The following PLD1 variants were observed in gnomAD, a reference collection of about 807,000 sequenced individuals.
The protein encoded by PLD1 is phospholipase D1, also known as choline phosphatase 1.
A neutral mutation model predicts 137.1 loss-of-function variants in PLD1; 112 were observed. That is an observed-to-expected ratio of 0.82 (90% CI 0.70 to 0.96). PLD1 has a LOEUF of 0.96. PLD1 is among the 40% of genes least tolerant of loss of function. The pLI is 0.00. For missense variants in PLD1, 1,321 were observed against 1,342.0 expected (o/e 0.98, Z 0.24); for synonymous variants, 431 against 454.7 (o/e 0.95, Z 0.66).
At chr3:171,807,072 C>T (rs1165534592) in intron 1 of PLD1, among the ~76,000 whole-genome samples, 2 of 152,076 alleles carry the variant, frequency 1.3e-5, no homozygotes, top group African/African-American at 4.8e-5. Flanking sequence ...TTTGGGAAGC[C>T]GAAGTAGGAG....
intron 1 of PLD1, among the ~76,000 whole-genome samples, chr3:171,764,314 C>T (rs1482576012): frequency 6.6e-6 from 1 of 152,152 alleles, no homozygotes; most frequent in African/African-American, 2.4e-5. Context: ...CACTAATATT[C>T]ATTTAACACT....
intron 23 of PLD1, among the ~76,000 whole-genome samples, chr3:171,630,153 A>C (rs1242292771): frequency 2.7e-5 from 4 of 150,018 alleles, no homozygotes; most frequent in African/African-American, 4.9e-5. Context: ...CAATGAACTC[A>C]AACAAATTTA....
At chr3:171,698,058 A>G (rs763475925) in intron 12 of PLD1, among the ~76,000 whole-genome samples, 4 of 152,262 alleles carry the variant, frequency 2.6e-5, no homozygotes, top group Admixed American at 6.5e-5. Flanking sequence ...ATGTACTAAA[A>G]TAGAATCTTG....
At chr3:171,732,691 A>C (rs150841830) in intron 6 of PLD1, among the ~76,000 whole-genome samples, 135 of 152,342 alleles carry the variant, frequency 8.9e-4, no homozygotes, top group African/African-American at 3.0e-3. Context: ...TACAGCCCCC[A>C]TAACCATACA....
At chr3:171,664,854 C>T (rs981420002) in intron 19 of PLD1, among the ~76,000 whole-genome samples, 2 of 152,120 alleles carry the variant, frequency 1.3e-5, no homozygotes, top group African/African-American at 4.8e-5. Flanking sequence ...CACTGTACAA[C>T]TGAGACCTCT....
chr3:171,612,489 T>A lies in PLD1; in HGVS notation c.2729-57A>T. On this transcript the variant is annotated intron_variant, in intron 24 of 26. Coordinates refer to ENST00000351298, the MANE Select transcript of PLD1 (RefSeq NM_002662.5). The surrounding 1 kb of genome is among the most constrained non-coding windows in gnomAD (Gnocchi z 4.1). Reference sequence around the variant, plus strand: ...TTCCTGTTGTGGCAGACACTGTTGGTTGCCCTCCCAACTCAATTCATCCTT... The same window carrying A: ...TTCCTGTTGTGGCAGACACTGTTGGATGCCCTCCCAACTCAATTCATCCTT... The A allele has an allele frequency of 6.6e-7, 1 of 1,510,146 alleles. No homozygotes were observed. The highest frequency in any genetic ancestry group is 9.2e-7 in the Non-Finnish European group (1 of 1,088,382). The allele number at this position is 1,510,146 out of a possible 1,614,324, so 93.5% of individuals were successfully genotyped here. A position where few individuals can be genotyped will look rare whatever the true frequency, so the allele number is the denominator to read the frequency against.
At chr3:171,696,205 T>C (rs562117928) in intron 12 of PLD1, among the ~76,000 whole-genome samples, 2 of 152,310 alleles carry the variant, frequency 1.3e-5, no homozygotes, top group African/African-American at 4.8e-5. Flanking sequence ...ATACACAAAA[T>C]TGCGTGTGGG....
At chr3:171,661,043 T>G (rs1737626010) in intron 20 of PLD1, among the ~76,000 whole-genome samples, 1 of 152,236 alleles carries the variant, frequency 6.6e-6, no homozygotes, top group Admixed American at 6.5e-5. Flanking sequence ...ATTACTAAGC[T>G]CCAGACTTTA....
intron 1 of PLD1, among the ~76,000 whole-genome samples, chr3:171,738,322 A>G (rs1719535817): frequency 6.6e-6 from 1 of 152,138 alleles, no homozygotes; most frequent in African/African-American, 2.4e-5. Flanking sequence ...AAGAAAAAAA[A>G]AAGCAACACC....
intron 25 of PLD1, among the ~76,000 whole-genome samples, chr3:171,610,146 A>ACAATAAAG (rs1732536382): frequency 6.6e-6 from 1 of 152,186 alleles, no homozygotes; most frequent in Non-Finnish European, 1.5e-5. Flanking sequence ...ATCAAAGGAG[A>ACAATAAAG]CAATAAAGAA....
At chr3:171,669,483 C>T (rs1379406155) in intron 19 of PLD1, among the ~76,000 whole-genome samples, 1 of 152,140 alleles carries the variant, frequency 6.6e-6, no homozygotes. Context: ...CTCACTGCAA[C>T]CTCTGCCTCC....
At chr3:171,637,330 G>C (rs978777547) in intron 23 of PLD1, among the ~76,000 whole-genome samples, 1 of 152,072 alleles carries the variant, frequency 6.6e-6, no homozygotes, top group Non-Finnish European at 1.5e-5. Context: ...CAGCCTCCCG[G>C]GTTCAAGCGA....
chr3:171,685,020 C>A (rs1486503970), intron 16 of PLD1, among the ~76,000 whole-genome samples: 7 of 152,258 alleles, frequency 4.6e-5, no homozygotes, highest in African/African-American at 1.7e-4. Flanking sequence ...GTAGCTGGAC[C>A]AAGCTTGTCC....
chr3:171,640,214 TTTCTC>T (rs1735624360), intron 23 of PLD1, among the ~76,000 whole-genome samples: 1 of 152,026 alleles, frequency 6.6e-6, no homozygotes, highest in South Asian at 2.1e-4. Flanking sequence ...TAGGTTTAGT[TTTCTC>T]TTCTTTTTCT....
intron 23 of PLD1, among the ~76,000 whole-genome samples, chr3:171,642,539 GAACA>G (rs144365141): frequency 0.071 from 10,235 of 144,312 alleles, 1,013 homozygotes; most frequent in African/African-American, 0.23. Context: ...AGATAAAGAA[GAACA>G]AACAACTATA....
chr3:171,627,809 C>A (rs1734262632), intron 23 of PLD1, among the ~76,000 whole-genome samples: 1 of 152,010 alleles, frequency 6.6e-6, no homozygotes, highest in East Asian at 1.9e-4. Context: ...TCTTTGAAAC[C>A]AATGAGAACA....
chr3:171,607,275 A>G (rs918939072), intron 25 of PLD1, among the ~76,000 whole-genome samples: 3 of 152,202 alleles, frequency 2.0e-5, no homozygotes, highest in Admixed American at 6.5e-5. Flanking sequence ...TTACTGCATC[A>G]AATGTGAATG....
At chr3:171,781,440 C>T (rs1187227928) in intron 1 of PLD1, among the ~76,000 whole-genome samples, 1 of 151,888 alleles carries the variant, frequency 6.6e-6, no homozygotes, top group Admixed American at 6.6e-5. Flanking sequence ...AATTTCTGTT[C>T]ATCTAAAGTC....
intron 12 of PLD1, among the ~76,000 whole-genome samples, chr3:171,696,386 TAGG>T (rs1000037097): frequency 1.2e-4 from 19 of 152,286 alleles, no homozygotes; most frequent in Admixed American, 5.2e-4. Flanking sequence ...GCCAAAGAAA[TAGG>T]AGAAGTTCAA....
Sources: gnomAD v4.1 joint callset for allele counts (sites outside exome capture counted in the v4.1 genomes callset) on GRCh38, gnomAD v4.1.1 for gene constraint, Gnocchi (gnomAD v3.1) non-coding constraint, MANE v1.5 for transcripts, NCBI Gene and HGNC (gene_info 2026-07-23, HGNC 2026-07-21) for gene names.